Variants in GRID2 observed in about 807,000 individuals in gnomAD.
GRID2 encodes the protein glutamate receptor ionotropic, delta-2.
A neutral mutation model predicts 114.8 loss-of-function variants in GRID2; 33 were observed. The observed-to-expected ratio is 0.29, with a 90% CI of 0.22 to 0.38. GRID2 has a LOEUF of 0.38. Among genes scored for constraint, GRID2 ranks in the 10% least tolerant of loss-of-function variants. GRID2 has a pLI of 1.00. For synonymous variants in GRID2, 505 were observed against 449.9 expected (o/e 1.12, Z -1.55); for missense variants, 1,184 against 1,257.7 (o/e 0.94, Z 0.89).
intron 2 of GRID2, among the ~76,000 whole-genome samples, chr4:92,824,438 A>G (rs1414332134): frequency 6.6e-6 from 1 of 152,200 alleles, no homozygotes; most frequent in East Asian, 1.9e-4. Context: ...TTTGCTAAGA[A>G]AATACTTCTG....
intron 1 of GRID2, among the ~76,000 whole-genome samples, chr4:92,505,145 G>T (rs562149961): frequency 9.2e-5 from 14 of 151,940 alleles, no homozygotes; most frequent in African/African-American, 2.9e-4. Flanking sequence ...CTCATAAAAC[G>T]CAGTGTCATT....
chr4:92,448,830 T>A (rs1236923935), intron 1 of GRID2, among the ~76,000 whole-genome samples: 2 of 152,052 alleles, frequency 1.3e-5, no homozygotes, highest in East Asian at 3.9e-4. Context: ...CAGGAACATG[T>A]TTTAAAGGAA....
At chr4:93,124,287 G>A (rs1444528189) in intron 4 of GRID2, among the ~76,000 whole-genome samples, 3 of 152,086 alleles carry the variant, frequency 2.0e-5, no homozygotes, top group Non-Finnish European at 4.4e-5. Context: ...TCAAAATTAT[G>A]CACCTCTTTG....
chr4:93,258,076 C>T (rs1402807365), intron 8 of GRID2, among the ~76,000 whole-genome samples: 1 of 150,172 alleles, frequency 6.7e-6, no homozygotes, highest in Non-Finnish European at 1.5e-5. Context: ...TAATACAACA[C>T]ACAATACTGG....
At chr4:92,995,154 G>A (rs967167078) in intron 2 of GRID2, among the ~76,000 whole-genome samples, 1 of 152,178 alleles carries the variant, frequency 6.6e-6, no homozygotes, top group Admixed American at 6.5e-5. Context: ...AGTGGGCAGA[G>A]ACATTTCTTC....
chr4:92,788,579 A>C (rs1237466401), intron 2 of GRID2, among the ~76,000 whole-genome samples: 1 of 151,888 alleles, frequency 6.6e-6, no homozygotes, highest in East Asian at 1.9e-4. Flanking sequence ...ATTCTCATGG[A>C]TCCACATCCT....
In GRID2 at chr4:93,110,875, A is replaced by G; in HGVS notation, c.657A>G (p.Glu219=). ...TCTTTGACACCATGAGAATAGAAGA[A>G]CTGAATCGCTATCGAGACACTCTTA... ...TTLFDTMRIE[E]LNRYRDTLRR... is the part of the protein sequence containing the mutation. The change falls in exon 4 of 16, where the codon GAA becomes GAG. Residue 219 remains glutamate (E), a synonymous_variant. Transcript: ENST00000282020. 1 of 1,612,754 alleles carries G rather than the reference A, an allele frequency of 6.2e-7. No individual in the cohort carries two copies. Among genetic ancestry groups the G allele is most frequent in the Non-Finnish European group, 8.5e-7 (1 of 1,178,690 alleles).
rs1012823499 is a variant in GRID2 at position 93,680,890 on chromosome 4, C to T, written c.2360+54455C>T. On this transcript the variant is annotated intron_variant, in intron 14 of 15. Transcript: ENST00000282020. ...GGCACAAGACAGGGATGCCCTCTCTCGCCACTCCTATTCAACATAGTGTTG... is the reference window on the plus strand; with the variant it reads ...GGCACAAGACAGGGATGCCCTCTCTTGCCACTCCTATTCAACATAGTGTTG... 8.6e-5 allele frequency among the ~76,000 whole-genome samples: 13 copies of T among 151,724 alleles called. 1 individual carries two copies. Among genetic ancestry groups the T allele is most frequent in the African/African-American group, 2.4e-4 (10 of 41,098 alleles).
chr4:92,968,262 C>A (rs1279560611), intron 2 of GRID2, among the ~76,000 whole-genome samples: 1 of 151,822 alleles, frequency 6.6e-6, no homozygotes, highest in Admixed American at 6.6e-5. Flanking sequence ...GATTAACAAA[C>A]ATAAGTTATT....
At chr4:93,000,751 A>G (rs1195185798) in intron 2 of GRID2, among the ~76,000 whole-genome samples, 1 of 143,294 alleles carries the variant, frequency 7.0e-6, no homozygotes, top group Non-Finnish European at 1.5e-5. Context: ...TAAATATTCC[A>G]TTAAGGGTAC....
intron 1 of GRID2, among the ~76,000 whole-genome samples, chr4:92,587,098 C>G (rs893495253): frequency 1.5e-5 from 2 of 133,764 alleles, no homozygotes; most frequent in African/African-American, 2.7e-5. Flanking sequence ...TGATGAAATG[C>G]TGTGTGTGTG....
At chr4:93,409,531 G>A (rs550084657) in intron 9 of GRID2, among the ~76,000 whole-genome samples, 3 of 152,240 alleles carry the variant, frequency 2.0e-5, no homozygotes, top group South Asian at 4.1e-4. Flanking sequence ...GAAAGTATAA[G>A]TAGATTTATT....
intron 2 of GRID2, among the ~76,000 whole-genome samples, chr4:92,709,349 G>A (rs962180425): frequency 1.3e-5 from 2 of 151,858 alleles, no homozygotes; most frequent in Non-Finnish European, 2.9e-5. Context: ...GCCTGCCACT[G>A]TGCTTTATAC....
intron 8 of GRID2, among the ~76,000 whole-genome samples, chr4:93,331,672 C>T (rs11725679): frequency 0.44 from 67,442 of 151,832 alleles, 16,033 homozygotes; most frequent in East Asian, 0.7. Flanking sequence ...TGAATACATA[C>T]ACATATATAG....
chr4:93,380,080 T>C (rs1296865099), intron 8 of GRID2, among the ~76,000 whole-genome samples: 1 of 152,092 alleles, frequency 6.6e-6, no homozygotes, highest in Non-Finnish European at 1.5e-5. Context: ...CATGTAAATG[T>C]GATCAAATAG....
At chr4:92,807,580 A>G (rs1244644163) in intron 2 of GRID2, among the ~76,000 whole-genome samples, 1 of 152,044 alleles carries the variant, frequency 6.6e-6, no homozygotes, top group East Asian at 1.9e-4. Flanking sequence ...TAAAAAATAC[A>G]AAAGCACTAC....
At chr4:92,748,919 C>G (rs1166370214) in intron 2 of GRID2, among the ~76,000 whole-genome samples, 1 of 151,960 alleles carries the variant, frequency 6.6e-6, no homozygotes, top group Non-Finnish European at 1.5e-5. Context: ...CTACCGCAGC[C>G]TCCCACAGTG....
chr4:92,794,944 A>G (rs114223424), intron 2 of GRID2, among the ~76,000 whole-genome samples: 180 of 147,604 alleles, frequency 1.2e-3, no homozygotes, highest in African/African-American at 4.4e-3. Context: ...TATACTTACA[A>G]TAAAGTAACC....
intron 1 of GRID2, among the ~76,000 whole-genome samples, chr4:92,554,473 A>G (rs1004993362): frequency 6.6e-6 from 1 of 152,192 alleles, no homozygotes; most frequent in African/African-American, 2.4e-5. Flanking sequence ...AAACAATTTG[A>G]TAAGTTCTCA....
Sources: gnomAD v4.1 joint callset for allele counts (sites outside exome capture counted in the v4.1 genomes callset) on GRCh38, gnomAD v4.1.1 for gene constraint, MANE v1.5 for transcripts, NCBI Gene and HGNC (gene_info 2026-07-23, HGNC 2026-07-21) for gene names.